Variants in CCDC190 observed in about 807,000 individuals in gnomAD.
The protein encoded by CCDC190 is coiled-coil domain containing 190.
Under a neutral mutation model 13.1 loss-of-function variants are expected in CCDC190, and 10 were observed. The ratio of observed to expected loss-of-function variants is 0.77; its 90% CI spans 0.47 to 1.30. CCDC190 has a LOEUF of 1.30. Ranked by LOEUF, CCDC190 falls within the 50% of genes most tolerant of loss-of-function variation. The probability of loss-of-function intolerance (pLI) is 0.00; values close to 1 mark genes in which losing one functional copy is unlikely to be tolerated. For synonymous variants in CCDC190, 136 were observed against 127.2 expected, an observed-to-expected ratio of 1.07 and a Z score of -0.47; for missense variants, 375 against 354.3, an observed-to-expected ratio of 1.06 and a Z score of -0.47.
At chr1:162,863,905 G>C (rs575047563), upstream of CCDC190, among the ~76,000 whole-genome samples, 1 of 151,942 alleles carries the variant, frequency 6.6e-6, no homozygotes, top group Admixed American at 6.6e-5. Context: ...TGTAATCCCA[G>C]CTACTCGGGA....
upstream of CCDC190, among the ~76,000 whole-genome samples, chr1:162,864,904 C>A (rs79772724): frequency 3.5e-3 from 538 of 151,848 alleles, 9 homozygotes; most frequent in East Asian, 0.034. Flanking sequence ...ATATTAAGAA[C>A]CATAATAAAT....
intron 1 of CCDC190, among the ~76,000 whole-genome samples, chr1:162,866,771 G>T (rs113617104): frequency 6.6e-6 from 1 of 151,530 alleles, no homozygotes; most frequent in Non-Finnish European, 1.5e-5. Context: ...CCACAGAGGA[G>T]ACTTTAGAAG....
rs202170575 is a variant in CCDC190, at chr1:162,859,436, C to T, written c.187+24G>A. 2,042 of 1,604,962 alleles carry T rather than the reference C, an allele frequency of 1.3e-3. 2 individuals are homozygous for T. The highest frequency in any genetic ancestry group is 1.6e-3 in the Non-Finnish European group (1,880 of 1,175,432). On this transcript the variant is annotated intron_variant, in intron 2 of 3. Transcript: ENST00000367912. ...CCCTGCTGTGCCTCTGGGGCATCCT[C>T]CTCACCAGTCCTGAAAGTCTTACCT...
rs745690653 is a variant in CCDC190, at chr1:162,854,875, A to T, written c.796T>A (p.Ser266Thr). Residue 266 changes from serine (S) to threonine (T), a missense_variant, in exon 4 of 4, where the codon TCT becomes ACT. Transcript: ENST00000367912. Reference protein sequence around the residue: ...HYLRHRVPPESERLLSIGEIF... With the variant: ...HYLRHRVPPETERLLSIGEIF... ...TCTCCAATGCTAAGCAACCTCTCAGACTCAGGGGGGACCCTGTGCCGGAGA... is the reference window on the plus strand; with the variant it reads ...TCTCCAATGCTAAGCAACCTCTCAGTCTCAGGGGGGACCCTGTGCCGGAGA... The T allele has an allele frequency of 6.2e-7, 1 of 1,613,998 alleles. No individual in the cohort carries two copies. Among genetic ancestry groups the T allele is most frequent in the Non-Finnish European group, 8.5e-7 (1 of 1,179,886 alleles).
At position 162,854,075 on chromosome 1, in the gene CCDC190, T is replaced by TA. The variant is rs1202165837; in HGVS notation, c.*689dup. Reference sequence around the variant, plus strand: ...TCATTTTACAGTGAAATCATTTTGATAGAGTCTGCTATGCATTTGACAGCA... The same window carrying TA: ...TCATTTTACAGTGAAATCATTTTGATAAGAGTCTGCTATGCATTTGACAGCA... On this transcript the variant is annotated 3_prime_UTR_variant, in exon 4 of 4. Coordinates refer to ENST00000367912, the MANE Select transcript of CCDC190 (RefSeq NM_001394065.1). 3 of 257,126 alleles carry TA rather than the reference T, an allele frequency of 1.2e-5. No individual in the cohort carries two copies. The highest frequency in any genetic ancestry group is 1.2e-5 in the Non-Finnish European group (2 of 164,270). The allele number at this position is 257,126 out of a possible 1,614,324, so 15.9% of individuals were successfully genotyped here.
At position 162,853,277 on chromosome 1, in the gene CCDC190, A is replaced by AATAGATGGCAGACTAGCATTT; in HGVS notation, c.*1487_*1488insAAATGCTAGTCTGCCATCTAT. On this transcript the variant is annotated 3_prime_UTR_variant, in exon 4 of 4. Transcript: ENST00000367912. ...TTGAGTAGAAGAGAGATCAAATGCT[A>AATAGATGGCAGACTAGCATTT]GTCTGCCATCTATTAGCAAGTTACC... 1 of 715,198 alleles carries AATAGATGGCAGACTAGCATTT rather than the reference A, an allele frequency of 1.4e-6. No individual in the cohort carries two copies. Among genetic ancestry groups the AATAGATGGCAGACTAGCATTT allele is most frequent in the Non-Finnish European group, 2.2e-6 (1 of 455,110 alleles). The allele number at this position is 715,198 out of a possible 1,614,324, so 44.3% of individuals were successfully genotyped here.
At position 162,852,884 on chromosome 1, in the gene CCDC190, G is replaced by A. The variant is rs191220101; in HGVS notation, c.*1881C>T. 253 of 530,916 alleles carry A rather than the reference G, an allele frequency of 4.8e-4. 2 individuals are homozygous for A. The highest frequency in any genetic ancestry group is 4.2e-3 in the African/African-American group (221 of 52,556). 32.9% of individuals were successfully genotyped at this position (530,916 alleles called of 1,614,324 possible). On this transcript the variant is annotated 3_prime_UTR_variant, in exon 4 of 4. Coordinates refer to ENST00000367912, the MANE Select transcript of CCDC190 (RefSeq NM_001394065.1). Reference sequence around the variant, plus strand: ...AGCCTTGAGGGAGAATTGTGATGACGATAGGCAAGGCTTGCGTAGAAGACA... The same window carrying A: ...AGCCTTGAGGGAGAATTGTGATGACAATAGGCAAGGCTTGCGTAGAAGACA...
rs372327417 is a variant in CCDC190, at chr1:162,855,313, G to T, written c.358C>A (p.Gln120Lys). Residue 120 changes from glutamine (Q) to lysine (K), a missense_variant, in exon 4 of 4, where the codon CAG (glutamine) becomes AAG (lysine). Gln to Lys is a moderately conservative substitution (Grantham distance 53, BLOSUM62 1). Transcript: ENST00000367912. Reference protein sequence around the residue: ...MAQDTCKSKSQVPPSHDAGLK... With the variant: ...MAQDTCKSKSKVPPSHDAGLK... The stretch of plus-strand genomic sequence containing the variant: ...CCAGCATCATGTGAAGGAGGCACCT[G>T]GGACTTGCTTTTGCATGTGTCTTGG... 1 of 1,612,942 alleles carries T rather than the reference G, an allele frequency of 6.2e-7. No individual in the cohort carries two copies.
intron 2 of CCDC190, among the ~76,000 whole-genome samples, chr1:162,856,848 G>T (rs1159214929): frequency 6.6e-6 from 1 of 152,100 alleles, no homozygotes; most frequent in Admixed American, 6.5e-5. Context: ...TCTCCTTGGG[G>T]TCTTTTGTGG....
chr1:162,859,624 C>T lies in CCDC190; in HGVS notation c.23G>A (p.Gly8Glu). 1 of 1,613,620 alleles carries T rather than the reference C, an allele frequency of 6.2e-7. No homozygotes were observed. The highest frequency in any genetic ancestry group is 8.5e-7 in the Non-Finnish European group (1 of 1,179,776). Residue 8 changes from glycine (G) to glutamate (E), a missense_variant, in exon 2 of 4, where the codon GGA (glycine) becomes GAA (glutamate). Coordinates refer to ENST00000367912, the MANE Select transcript of CCDC190 (RefSeq NM_001394065.1). MERHMVR[G>E]QLYKHFDLER... is the part of the protein sequence containing the mutation. ...CAAATCAAAATGCTTATACAATTGTCCCCTGACCATGTGCCTCTCCATCTT... is the reference window on the plus strand; with the variant it reads ...CAAATCAAAATGCTTATACAATTGTTCCCTGACCATGTGCCTCTCCATCTT...
upstream of CCDC190, among the ~76,000 whole-genome samples, chr1:162,861,657 A>T (rs1409790813): frequency 1.3e-5 from 2 of 152,128 alleles, no homozygotes; most frequent in African/African-American, 4.8e-5. Flanking sequence ...GCTTATCAAG[A>T]TTTTCAAAGT....
chr1:162,854,477 T>C lies in CCDC190; in HGVS notation c.*288A>G. 8.8e-7 allele frequency: 1 copy of C among 1,133,920 alleles called. No homozygotes were observed. Among genetic ancestry groups the C allele is most frequent in the Non-Finnish European group, 1.1e-6 (1 of 923,724 alleles). The allele number at this position is 1,133,920 out of a possible 1,614,324, so 70.2% of individuals were successfully genotyped here. A position where few individuals can be genotyped will look rare whatever the true frequency, so the allele number is the denominator to read the frequency against. The stretch of plus-strand genomic sequence containing the variant: ...CAGGAAGTCCCTGAAAGCAAGACTG[T>C]TACTGTTTTCCCAAGTCCAGTCATC... On this transcript the variant is annotated 3_prime_UTR_variant, in exon 4 of 4. Transcript: ENST00000367912.
chr1:162,857,193 A>G lies in CCDC190; in HGVS notation c.188-1438T>C, dbSNP rs575282980. On this transcript the variant is annotated intron_variant, in intron 2 of 3. Transcript: ENST00000367912. ...ACTTTCTAAATATCTTGAGATGCTC[A>G]TCTTCTCATTTTCTTCACCTGACCA... Among the ~76,000 whole-genome samples, 6 of 152,290 alleles carry G rather than the reference A, an allele frequency of 3.9e-5. No individual in the cohort carries two copies. The South Asian group carries it at 6.2e-4, about 16-fold the overall frequency.
At chr1:162,860,643 T>C (rs1419509885) in intron 1 of CCDC190, among the ~76,000 whole-genome samples, 2 of 151,878 alleles carry the variant, frequency 1.3e-5, no homozygotes, top group Admixed American at 6.6e-5. Context: ...CTGCAACCTC[T>C]ACCTCCTGGG....
rs187742957 is a variant in CCDC190 at position 162,854,772 on chromosome 1, G to A, written c.899C>T (p.Pro300Leu). The A allele has an allele frequency of 5.6e-3, 9,058 of 1,607,306 alleles. 47 individuals are homozygous for A. Among genetic ancestry groups the A allele is most frequent in the Non-Finnish European group, 7.1e-3 (8,346 of 1,175,756 alleles). ...CENRVPSKFL[P>L]L ...TCAGGCTATGTTAAACGGTTAGAGA[G>A]GAAGAAACTTAGAAGGCACCCTGTT... Residue 300 changes from proline (P) to leucine (L), a missense_variant, in exon 4 of 4, where the codon CCT (proline) becomes CTT (leucine). By Grantham distance (98) the Pro-to-Leu change is moderately conservative. Transcript: ENST00000367912.
At chr1:162,861,976 A>G (rs1364819249), upstream of CCDC190, among the ~76,000 whole-genome samples, 3 of 152,102 alleles carry the variant, frequency 2.0e-5, no homozygotes, top group African/African-American at 7.2e-5. Flanking sequence ...GAGGGGTGGC[A>G]GGGAGGAAGA....
chr1:162,859,415 G>T (rs1459528903), intron 2 of CCDC190, 45 bp downstream of exon 2: 2 of 1,560,788 alleles, frequency 1.3e-6, no homozygotes, highest in East Asian at 2.3e-5. Context: ...CTGCTGCCCT[G>T]CTGTGCCTCT....
At chr1:162,864,987 C>T (rs554137262), upstream of CCDC190, among the ~76,000 whole-genome samples, 28 of 152,024 alleles carry the variant, frequency 1.8e-4, 2 homozygotes, top group Middle Eastern at 6.8e-3. Flanking sequence ...CACACTATAT[C>T]ATGCTGACAA....
chr1:162,863,109 A>G (rs1650575322), upstream of CCDC190, among the ~76,000 whole-genome samples: 1 of 152,216 alleles, frequency 6.6e-6, no homozygotes, highest in African/African-American at 2.4e-5. Flanking sequence ...AGAGAAAGAA[A>G]TAGTTCAAAC....
Sources: gnomAD v4.1 joint callset for allele counts (sites outside exome capture counted in the v4.1 genomes callset) on GRCh38, gnomAD v4.1.1 for gene constraint, MANE v1.5 for transcripts, NCBI Gene and HGNC (gene_info 2026-07-23, HGNC 2026-07-21) for gene names.